ADCY2: variants seen among roughly 807,000 people sequenced by gnomAD.
ADCY2 encodes adenylate cyclase 2, also known as adenylate cyclase type 2.
Under a neutral mutation model 125.2 loss-of-function variants are expected in ADCY2, and 31 were observed. The observed-to-expected ratio is 0.25, with a 90% CI of 0.19 to 0.33. The LOEUF (loss-of-function observed/expected upper bound fraction) is 0.33, where lower values mean the gene tolerates loss of function less well. Among genes scored for constraint, ADCY2 ranks in the 10% least tolerant of loss-of-function variants. ADCY2 has a pLI of 1.00. For synonymous variants in ADCY2, 512 were observed against 548.4 expected (o/e 0.93, Z 0.93); for missense variants, 904 against 1,418.2 (o/e 0.64, Z 5.82).
intron 2 of ADCY2, among the ~76,000 whole-genome samples, chr5:7,498,501 G>T (rs1197081401): frequency 5.9e-5 from 9 of 152,044 alleles, no homozygotes; most frequent in Non-Finnish European, 8.8e-5. Flanking sequence ...GCCTGCTTCA[G>T]CCTCCCAAAG....
chr5:7,684,394 C>T (rs943826971), intron 4 of ADCY2, among the ~76,000 whole-genome samples: 10 of 152,180 alleles, frequency 6.6e-5, no homozygotes, highest in African/African-American at 2.4e-4. Flanking sequence ...TATTTTTCCA[C>T]CTTTTGAGTG....
At chr5:7,619,075 T>A (rs986829833) in intron 3 of ADCY2, among the ~76,000 whole-genome samples, 2 of 152,186 alleles carry the variant, frequency 1.3e-5, no homozygotes, top group African/African-American at 4.8e-5. Context: ...ATCTTTGGAA[T>A]AATGAACACT....
chr5:7,756,751 T>C (rs182600743), intron 15 of ADCY2, among the ~76,000 whole-genome samples: 2 of 152,332 alleles, frequency 1.3e-5, no homozygotes, highest in East Asian at 3.9e-4. Flanking sequence ...CCTAGAGATG[T>C]TACACAACAA....
At chr5:7,761,143 CTTTTCTTT>C (rs1490185149) in intron 16 of ADCY2, among the ~76,000 whole-genome samples, 2 of 64,514 alleles carry the variant, frequency 3.1e-5, no homozygotes, top group Non-Finnish European at 5.8e-5. Context: ...CTTTTCTTTT[CTTTTCTTT>C]TTTTTTTTTT....
intron 2 of ADCY2, among the ~76,000 whole-genome samples, chr5:7,499,404 A>G (rs780029314): frequency 1.3e-5 from 2 of 151,900 alleles, no homozygotes; most frequent in Non-Finnish European, 2.9e-5. Flanking sequence ...TGACTATACA[A>G]CTGTGTTCAC....
chr5:7,644,759 C>T (rs1738838901), intron 4 of ADCY2, among the ~76,000 whole-genome samples: 1 of 152,056 alleles, frequency 6.6e-6, no homozygotes, highest in Non-Finnish European at 1.5e-5. Context: ...CAATTAATTG[C>T]TCTGTTATAT....
intron 2 of ADCY2, among the ~76,000 whole-genome samples, chr5:7,485,156 G>A (rs980602857): frequency 5.3e-5 from 8 of 152,122 alleles, no homozygotes; most frequent in African/African-American, 9.7e-5. Context: ...GCTGTACACA[G>A]GGAGTTCCTT....
rs533755208 is a variant in ADCY2 at position 7,674,622 on chromosome 5, G to T, written c.721-16069G>T. Reference sequence around the variant, plus strand: ...TTTCATCATCCTTAGGTCTGAAATTGAATATAGCTGTTAGCCCCACTTTGT... The same window carrying T: ...TTTCATCATCCTTAGGTCTGAAATTTAATATAGCTGTTAGCCCCACTTTGT... On this transcript the variant is annotated intron_variant, in intron 4 of 24. Transcript: ENST00000338316. Among the ~76,000 whole-genome samples the T allele has an allele frequency of 5.4e-5, 8 of 148,870 alleles. No homozygotes were observed. The South Asian group carries it at 1.7e-3, about 31-fold the overall frequency.
At chr5:7,786,409 T>C (rs151179892) in intron 19 of ADCY2, among the ~76,000 whole-genome samples, 1 of 152,366 alleles carries the variant, frequency 6.6e-6, no homozygotes, top group African/African-American at 2.4e-5. Context: ...GTTACTGTAT[T>C]TCCTGATTGG....
chr5:7,782,816 G>A (rs2199341), intron 18 of ADCY2, among the ~76,000 whole-genome samples: 151,611 of 152,382 alleles, frequency 0.99, 75,424 homozygotes, highest in Middle Eastern at 1. Context: ...ATTGGTTTTA[G>A]ACATCTGCAC....
chr5:7,769,318 G>T (rs901397781), intron 17 of ADCY2, among the ~76,000 whole-genome samples: 5 of 151,952 alleles, frequency 3.3e-5, no homozygotes, highest in Non-Finnish European at 5.9e-5. Flanking sequence ...CACACGATAA[G>T]GTTATGCTTA....
At chr5:7,482,767 G>T (rs943800997) in intron 2 of ADCY2, among the ~76,000 whole-genome samples, 26 of 119,454 alleles carry the variant, frequency 2.2e-4, no homozygotes, top group Middle Eastern at 9.0e-3. Context: ...AAGAAAATGT[G>T]ATATATATAT....
At chr5:7,792,183 C>T (rs1322370153) in intron 20 of ADCY2, among the ~76,000 whole-genome samples, 1 of 144,022 alleles carries the variant, frequency 6.9e-6, no homozygotes. Context: ...ACCAGCCTGG[C>T]CAACATGGAG....
chr5:7,491,942 A>C (rs1310683900), intron 2 of ADCY2, among the ~76,000 whole-genome samples: 1 of 152,214 alleles, frequency 6.6e-6, no homozygotes, highest in African/African-American at 2.4e-5. Context: ...AACTAACTGA[A>C]CTTCCTGTGT....
chr5:7,780,688 A>T (rs771361193), intron 18 of ADCY2, among the ~76,000 whole-genome samples: 1 of 152,196 alleles, frequency 6.6e-6, no homozygotes, highest in Non-Finnish European at 1.5e-5. Flanking sequence ...TCTTTTTAAA[A>T]ATATTCACCC....
chr5:7,496,497 T>A (rs1450900200), intron 2 of ADCY2, among the ~76,000 whole-genome samples: 1 of 152,210 alleles, frequency 6.6e-6, no homozygotes, highest in Non-Finnish European at 1.5e-5. Flanking sequence ...TGATATATAA[T>A]AGCTGAATGA....
intron 4 of ADCY2, among the ~76,000 whole-genome samples, chr5:7,655,569 G>C (rs1459266842): frequency 6.6e-6 from 1 of 152,152 alleles, no homozygotes; most frequent in Non-Finnish European, 1.5e-5. Context: ...GCCCTCAGTA[G>C]AGATTGGACG....
chr5:7,792,349 G>A (rs1471640394), intron 20 of ADCY2, among the ~76,000 whole-genome samples: 11 of 152,090 alleles, frequency 7.2e-5, no homozygotes, highest in Non-Finnish European at 1.3e-4. Context: ...AGCCGAGCTC[G>A]TGCCATTGCA....
At chr5:7,697,654 G>A (rs1740938196) in intron 6 of ADCY2, among the ~76,000 whole-genome samples, 1 of 152,024 alleles carries the variant, frequency 6.6e-6, no homozygotes, top group Admixed American at 6.5e-5. Context: ...AAATAATGAG[G>A]TAGTCAAATT....
Sources: gnomAD v4.1 joint callset for allele counts (sites outside exome capture counted in the v4.1 genomes callset) on GRCh38, gnomAD v4.1.1 for gene constraint, MANE v1.5 for transcripts, NCBI Gene and HGNC (gene_info 2026-07-23, HGNC 2026-07-21) for gene names.